ATXN7L1: variants seen among roughly 807,000 people sequenced by gnomAD.
ATXN7L1 encodes ataxin 7 like 1.
ATXN7L1 carries 15 observed loss-of-function variants against 70.8 expected under a neutral mutation model. The observed-to-expected ratio is 0.21, with a 90% CI of 0.14 to 0.33. ATXN7L1 has a LOEUF of 0.33. ATXN7L1 is among the 10% of genes least tolerant of loss of function. The probability of loss-of-function intolerance (pLI) is 1.00; values close to 1 mark genes in which losing one functional copy is unlikely to be tolerated. For missense variants in ATXN7L1, 975 were observed against 1,097.1 expected (o/e 0.89, Z 1.57); for synonymous variants, 440 against 445.1 (o/e 0.99, Z 0.14).
intron 2 of ATXN7L1, chr7:105,820,168 T>G (rs540805945): frequency 1.7e-4 from 49 of 283,532 alleles, no homozygotes; most frequent in African/African-American, 1.2e-3. Flanking sequence ...GTGGGCCTCA[T>G]TCAGATGTCC....
At chr7:105,853,568 C>CA in intron 2 of ATXN7L1, among the ~76,000 whole-genome samples, 1 of 145,126 alleles carries the variant, frequency 6.9e-6, no homozygotes, top group South Asian at 2.2e-4. Context: ...AACAAACAAA[C>CA]AAAAAACAAC....
intron 4 of ATXN7L1, among the ~76,000 whole-genome samples, chr7:105,660,103 T>A (rs1206233453): frequency 2.6e-5 from 4 of 151,932 alleles, no homozygotes; most frequent in Non-Finnish European, 1.5e-5. Flanking sequence ...CCCTCCTTAA[T>A]ATTTATCTCA....
At chr7:105,813,153 C>G (rs938612229) in intron 2 of ATXN7L1, among the ~76,000 whole-genome samples, 1 of 152,180 alleles carries the variant, frequency 6.6e-6, no homozygotes, top group Non-Finnish European at 1.5e-5. Context: ...TTTCCACATA[C>G]ATTTCATGAC....
chr7:105,771,568 A>G (rs943652765), intron 3 of ATXN7L1, among the ~76,000 whole-genome samples: 1 of 152,198 alleles, frequency 6.6e-6, no homozygotes, highest in Non-Finnish European at 1.5e-5. Context: ...GGTGTAAAAC[A>G]GTGAATCAGC....
At chr7:105,683,154 C>A (rs1442082981) in intron 3 of ATXN7L1, among the ~76,000 whole-genome samples, 1 of 152,162 alleles carries the variant, frequency 6.6e-6, no homozygotes, top group Non-Finnish European at 1.5e-5. Context: ...CTAATGCTAC[C>A]AATTTGGGTC....
intron 3 of ATXN7L1, among the ~76,000 whole-genome samples, chr7:105,727,777 T>TATATATATATACATATAC (rs1462125950): frequency 1.1e-5 from 1 of 90,246 alleles, no homozygotes. Context: ...TATATATATA[T>TATATATATATACATATAC]ACACACACAT....
At chr7:105,685,554 G>A (rs190420187) in intron 3 of ATXN7L1, among the ~76,000 whole-genome samples, 4 of 152,278 alleles carry the variant, frequency 2.6e-5, no homozygotes, top group African/African-American at 9.6e-5. Context: ...GCCAAAGCTG[G>A]CTTATAAAGA....
chr7:105,839,791 A>G (rs1812929965), intron 2 of ATXN7L1, among the ~76,000 whole-genome samples: 1 of 152,232 alleles, frequency 6.6e-6, no homozygotes, highest in South Asian at 2.1e-4. Flanking sequence ...GGGAAAGAGG[A>G]ATATAAATGA....
chr7:105,744,246 C>T (rs1374761674), intron 3 of ATXN7L1, among the ~76,000 whole-genome samples: 1 of 152,150 alleles, frequency 6.6e-6, no homozygotes, highest in African/African-American at 2.4e-5. Flanking sequence ...CTACCACATG[C>T]TGAGGGCTTA....
chr7:105,750,002 T>G (rs1434264740), intron 3 of ATXN7L1, among the ~76,000 whole-genome samples: 1 of 151,888 alleles, frequency 6.6e-6, no homozygotes, highest in Non-Finnish European at 1.5e-5. Flanking sequence ...TTAATTTGCC[T>G]TTAACAGCTG....
intron 3 of ATXN7L1, among the ~76,000 whole-genome samples, chr7:105,670,754 G>C (rs1169676207): frequency 1.3e-5 from 2 of 151,962 alleles, no homozygotes; most frequent in African/African-American, 4.8e-5. Context: ...ACAAGGTCAA[G>C]AGATTGAGAC....
intron 2 of ATXN7L1, among the ~76,000 whole-genome samples, chr7:105,842,184 T>C: frequency 8.2e-6 from 1 of 122,222 alleles, no homozygotes; most frequent in Non-Finnish European, 1.7e-5. Flanking sequence ...CAATAACCAT[T>C]AAAGTAGAAG....
chr7:105,808,392 T>C (rs968381884), intron 2 of ATXN7L1, among the ~76,000 whole-genome samples: 4 of 152,238 alleles, frequency 2.6e-5, no homozygotes, highest in Non-Finnish European at 5.9e-5. Context: ...AGGAGCTTGC[T>C]GCTTCTGTTT....
intron 2 of ATXN7L1, among the ~76,000 whole-genome samples, chr7:105,827,689 T>G (rs898816441): frequency 6.6e-6 from 1 of 152,206 alleles, no homozygotes; most frequent in African/African-American, 2.4e-5. Flanking sequence ...CCGTGTACAC[T>G]AAGGATGACT....
At chr7:105,733,350 A>T (rs1308397605) in intron 3 of ATXN7L1, among the ~76,000 whole-genome samples, 1 of 152,250 alleles carries the variant, frequency 6.6e-6, no homozygotes, top group Admixed American at 6.5e-5. Context: ...ACCTACATAC[A>T]AAGTATATGC....
chr7:105,780,991 A>G (rs549318221), intron 3 of ATXN7L1, among the ~76,000 whole-genome samples: 1 of 152,334 alleles, frequency 6.6e-6, no homozygotes, highest in African/African-American at 2.4e-5. Flanking sequence ...GTAGTTCCCA[A>G]CTGGGGGCGA....
intron 2 of ATXN7L1, among the ~76,000 whole-genome samples, chr7:105,849,510 GACA>G (rs1438395667): frequency 3.3e-5 from 5 of 152,262 alleles, no homozygotes; most frequent in African/African-American, 1.2e-4. Flanking sequence ...TGTACTGAAA[GACA>G]ACAAGTCACA....
Position 105,655,916 on chromosome 7 carries a change from T to A in ATXN7L1, c.578+9150A>T, listed in dbSNP as rs185229833. Among the ~76,000 whole-genome samples, 81 of 152,340 alleles carry A rather than the reference T, an allele frequency of 5.3e-4. 1 individual carries two copies. Among genetic ancestry groups the A allele is most frequent in the African/African-American group, 1.8e-3 (76 of 41,588 alleles). ...CAGGGAGGCCAGGGAGCCTGCTGAT[T>A]TTTCTTTTGCTTTGGCTCATTTTCC... is the stretch of plus-strand genomic sequence containing the variant. On this transcript the variant is annotated intron_variant, in intron 4 of 11. Coordinates refer to ENST00000419735, the MANE Select transcript of ATXN7L1 (RefSeq NM_020725.2).
At chr7:105,619,165 T>TTTTTTTA (rs869296716) in intron 9 of ATXN7L1, among the ~76,000 whole-genome samples, 4 of 140,544 alleles carry the variant, frequency 2.8e-5, no homozygotes, top group African/African-American at 1.1e-4. Context: ...TTTTTTTTTT[T>TTTTTTTA]GAGACGGAGT....
Sources: allele counts gnomAD v4.1 joint callset (sites outside exome capture counted in the v4.1 genomes callset), GRCh38; gene constraint gnomAD v4.1.1; transcripts MANE v1.5; gene names NCBI Gene and HGNC (gene_info 2026-07-23, HGNC 2026-07-21).